INPP4B: variants seen among roughly 807,000 people sequenced by gnomAD.
INPP4B encodes the protein inositol polyphosphate 4-phosphatase type II.
In INPP4B, 55 loss-of-function variants were observed where a neutral mutation model predicts 122.5. The observed-to-expected ratio is 0.45, with a 90% confidence interval of 0.36 to 0.56. INPP4B has a LOEUF of 0.56. Among genes scored for constraint, INPP4B ranks in the 20% least tolerant of loss-of-function variants. The pLI, the probability that INPP4B is intolerant of heterozygous loss-of-function variation, is 0.00. For missense variants in INPP4B, 1,000 were observed against 1,097.7 expected, an observed-to-expected ratio of 0.91 and a Z score of 1.26; for synonymous variants, 403 against 388.7, an observed-to-expected ratio of 1.04 and a Z score of -0.43.
At chr4:142,349,375 C>T (rs907930241) in intron 7 of INPP4B, among the ~76,000 whole-genome samples, 1 of 151,964 alleles carries the variant, frequency 6.6e-6, no homozygotes, top group Admixed American at 6.6e-5. Flanking sequence ...GCATGTAGTA[C>T]TCTCTCTTTG....
At chr4:142,681,984 A>C (rs145126109) in intron 2 of INPP4B, among the ~76,000 whole-genome samples, 317 of 152,004 alleles carry the variant, frequency 2.1e-3, no homozygotes, top group African/African-American at 7.0e-3. Flanking sequence ...TTTCCTCTTC[A>C]ACGTGCAAAT....
Position 142,238,013 on chromosome 4 carries a change from T to A in INPP4B, c.689-2A>T. ...ATTTACATACTGGGTTCTTTAACACTGGAAAAAAAAAGAAAAAATAATAGT... is the reference window on the plus strand; with the variant it reads ...ATTTACATACTGGGTTCTTTAACACAGGAAAAAAAAAGAAAAAATAATAGT... On this transcript the variant is annotated splice_acceptor_variant, in intron 11 of 25. Transcript: ENST00000262992. LOFTEE classifies it high-confidence loss of function. 2 of 1,453,974 alleles carry A rather than the reference T, an allele frequency of 1.4e-6. No homozygotes were observed. Among genetic ancestry groups the A allele is most frequent in the Admixed American group, 3.7e-5 (2 of 54,464 alleles). 90.1% of individuals were successfully genotyped at this position (1,453,974 alleles called of 1,614,324 possible).
chr4:142,132,206 A>T (rs1439433185), intron 18 of INPP4B, among the ~76,000 whole-genome samples: 1 of 152,312 alleles, frequency 6.6e-6, no homozygotes, highest in East Asian at 1.9e-4. Context: ...TGCCTGAAAC[A>T]ACTCAACATT....
chr4:142,623,953 T>A (rs1471068500), intron 2 of INPP4B, among the ~76,000 whole-genome samples: 3 of 152,158 alleles, frequency 2.0e-5, no homozygotes, highest in African/African-American at 7.2e-5. Context: ...CACATTTTCT[T>A]AATCCAGTCT....
At chr4:142,804,088 A>T (rs12331935) in intron 1 of INPP4B, among the ~76,000 whole-genome samples, 9 of 151,228 alleles carry the variant, frequency 6.0e-5, no homozygotes, top group Admixed American at 1.3e-4. Flanking sequence ...TAAATAAATA[A>T]ATAAATAAAT....
intron 1 of INPP4B, among the ~76,000 whole-genome samples, chr4:142,818,415 T>C (rs977783409): frequency 6.6e-6 from 1 of 151,626 alleles, no homozygotes; most frequent in Non-Finnish European, 1.5e-5. Context: ...GCTTGTTTTT[T>C]CTACAAAAAA....
At chr4:142,546,416 T>C (rs183459081) in intron 2 of INPP4B, among the ~76,000 whole-genome samples, 46 of 152,256 alleles carry the variant, frequency 3.0e-4, no homozygotes, top group Non-Finnish European at 7.4e-5. Flanking sequence ...GTGCCTTATC[T>C]AGAAATTGTA....
chr4:142,757,235 C>G (rs369291825), intron 1 of INPP4B, among the ~76,000 whole-genome samples: 1 of 152,114 alleles, frequency 6.6e-6, no homozygotes, highest in East Asian at 1.9e-4. Context: ...CATTCTCTAT[C>G]CAACCACATC....
chr4:142,665,493 C>CAAA lies in INPP4B; in HGVS notation c.-191+60343_-191+60345dup, dbSNP rs11417876. 2.1e-3 allele frequency among the ~76,000 whole-genome samples: 224 copies of CAAA among 107,684 alleles called. 7 individuals are homozygous for CAAA. The highest frequency in any genetic ancestry group is 0.017 in the East Asian group (63 of 3,758). The allele number at this position is 107,684 out of a possible 152,430, so 70.6% of individuals were successfully genotyped here. A position where few individuals can be genotyped will look rare whatever the true frequency, so the allele number is the denominator to read the frequency against. ...TGGGTGACAGAGCGAGACTCTGTCT[C>CAAA]AAAAAAAAAAAAAAAAAGAAAGAAA... On this transcript the variant is annotated intron_variant, in intron 2 of 25. Coordinates refer to ENST00000262992, the MANE Select transcript of INPP4B (RefSeq NM_001101669.3).
At chr4:142,255,878 C>T (rs1735648893) in intron 11 of INPP4B, among the ~76,000 whole-genome samples, 1 of 149,706 alleles carries the variant, frequency 6.7e-6, no homozygotes, top group Non-Finnish European at 1.5e-5. Flanking sequence ...CAGAACTCTC[C>T]ACCCCAAATC....
At chr4:142,263,637 AAAATATATATAT>A (rs1368947781) in intron 10 of INPP4B, among the ~76,000 whole-genome samples, 8 of 42,216 alleles carry the variant, frequency 1.9e-4, no homozygotes, top group African/African-American at 3.2e-4. Context: ...ATAAATTCGT[AAAATATATATAT>A]ATATATATAT....
intron 3 of INPP4B, among the ~76,000 whole-genome samples, chr4:142,455,065 T>C (rs1371648080): frequency 6.6e-6 from 1 of 152,030 alleles, no homozygotes; most frequent in Non-Finnish European, 1.5e-5. Flanking sequence ...TGTATGTATT[T>C]ATGAGGTATC....
intron 25 of INPP4B, among the ~76,000 whole-genome samples, chr4:142,046,941 CAG>C (rs1751827245): frequency 6.6e-6 from 1 of 152,024 alleles, no homozygotes; most frequent in African/African-American, 2.4e-5. Context: ...GGCTTATAGA[CAG>C]AGGCAGCAAT....
At chr4:142,301,467 A>G (rs1761381921) in intron 9 of INPP4B, among the ~76,000 whole-genome samples, 1 of 152,188 alleles carries the variant, frequency 6.6e-6, no homozygotes, top group Non-Finnish European at 1.5e-5. Flanking sequence ...CTGGAGTCAG[A>G]CCAAACTGAG....
chr4:142,683,100 ACTCCTAAGT>A (rs1349015286), intron 2 of INPP4B, among the ~76,000 whole-genome samples: 10 of 151,870 alleles, frequency 6.6e-5, no homozygotes, highest in African/African-American at 2.4e-4. Flanking sequence ...GTGCCCATGA[ACTCCTAAGT>A]CTCCTTTAAA....
At chr4:142,467,742 G>T (rs899910640) in intron 2 of INPP4B, among the ~76,000 whole-genome samples, 1 of 152,018 alleles carries the variant, frequency 6.6e-6, no homozygotes, top group East Asian at 1.9e-4. Context: ...GATATGGTTT[G>T]GATGTTTGTC....
At chr4:142,541,875 T>C (rs1478467751) in intron 2 of INPP4B, among the ~76,000 whole-genome samples, 1 of 152,172 alleles carries the variant, frequency 6.6e-6, no homozygotes, top group Non-Finnish European at 1.5e-5. Flanking sequence ...CATTATTGGC[T>C]GCTTCTCCAG....
At chr4:142,316,391 ATAG>A (rs1176422197) in intron 7 of INPP4B, among the ~76,000 whole-genome samples, 7 of 152,314 alleles carry the variant, frequency 4.6e-5, no homozygotes, top group Admixed American at 1.3e-4. Flanking sequence ...CTATACGCAA[ATAG>A]TGGTGGTGGA....
intron 1 of INPP4B, among the ~76,000 whole-genome samples, chr4:142,785,236 T>C (rs1001267039): frequency 2.0e-5 from 3 of 151,776 alleles, no homozygotes; most frequent in African/African-American, 7.3e-5. Flanking sequence ...ACATAAAACT[T>C]CCCCCTAAAT....
Sources: gnomAD v4.1 joint callset for allele counts (sites outside exome capture counted in the v4.1 genomes callset) on GRCh38, gnomAD v4.1.1 for gene constraint, MANE v1.5 for transcripts, NCBI Gene and HGNC (gene_info 2026-07-23, HGNC 2026-07-21) for gene names.